AFF1: variants seen among roughly 807,000 people sequenced by gnomAD.
The protein encoded by AFF1 is AF4/FMR2 family member 1.
Under a neutral mutation model 121.7 loss-of-function variants are expected in AFF1, and 48 were observed. That is an observed-to-expected ratio of 0.39 (90% CI 0.31 to 0.50). The LOEUF (loss-of-function observed/expected upper bound fraction) is 0.50, where lower values mean the gene tolerates loss of function less well. Among genes scored for constraint, AFF1 ranks in the 20% least tolerant of loss-of-function variants. The pLI, the probability that AFF1 is intolerant of heterozygous loss-of-function variation, is 0.76. For synonymous variants in AFF1, 613 were observed against 563.0 expected, an observed-to-expected ratio of 1.09 and a Z score of -1.26; for missense variants, 1,523 against 1,511.7, an observed-to-expected ratio of 1.01 and a Z score of -0.12.
At chr4:87,130,208 A>C (rs931434983) in intron 16 of AFF1, among the ~76,000 whole-genome samples, 1 of 152,110 alleles carries the variant, frequency 6.6e-6, no homozygotes, top group Non-Finnish European at 1.5e-5. Flanking sequence ...CCTGACCTCA[A>C]GTGATCCACT....
At position 87,137,305 on chromosome 4, in the gene AFF1, G is replaced by A. The variant is rs1729378328; in HGVS notation, c.*1604G>A. 1 of 227,738 alleles carries A rather than the reference G, an allele frequency of 4.4e-6. No homozygotes were observed. Among genetic ancestry groups the A allele is most frequent in the Admixed American group, 5.7e-5 (1 of 17,588 alleles). 14.1% of individuals were successfully genotyped at this position (227,738 alleles called of 1,614,324 possible). ...CATTTTCCTATTAGTGGAGGAGGGA[G>A]AACCATATTTATTTATAATGAAGAC... On this transcript the variant is annotated 3_prime_UTR_variant, in exon 21 of 21. Transcript: ENST00000395146.
chr4:87,029,378 C>T (rs1728844865), intron 2 of AFF1, among the ~76,000 whole-genome samples: 2 of 152,184 alleles, frequency 1.3e-5, no homozygotes, highest in South Asian at 4.1e-4. Context: ...TGAAGACTGT[C>T]AACCTGTTTC....
intron 2 of AFF1, among the ~76,000 whole-genome samples, chr4:87,045,705 AG>A (rs1275138315): frequency 6.6e-6 from 1 of 152,150 alleles, no homozygotes; most frequent in Non-Finnish European, 1.5e-5. Context: ...TTATGAAATA[AG>A]CCTTTTGATT....
At chr4:87,128,323 C>G (rs1318548290) in intron 16 of AFF1, among the ~76,000 whole-genome samples, 2 of 152,156 alleles carry the variant, frequency 1.3e-5, no homozygotes, top group African/African-American at 4.8e-5. Context: ...TTTGGACTTT[C>G]TAAAAGGTGG....
chr4:87,073,667 C>T (rs1722361528), intron 4 of AFF1, among the ~76,000 whole-genome samples: 1 of 152,214 alleles, frequency 6.6e-6, no homozygotes, highest in African/African-American at 2.4e-5. Context: ...CATATGACTG[C>T]AGTTTCTTTC....
intron 2 of AFF1, among the ~76,000 whole-genome samples, chr4:86,992,844 A>G (rs1724836002): frequency 1.3e-5 from 2 of 152,230 alleles, no homozygotes. Context: ...GAAAATATGT[A>G]TAATTGGTTA....
chr4:87,016,933 A>G (rs1020126916), intron 2 of AFF1, among the ~76,000 whole-genome samples: 1 of 152,156 alleles, frequency 6.6e-6, no homozygotes, highest in Non-Finnish European at 1.5e-5. Flanking sequence ...GTGGTGTACC[A>G]TGTATCAGTG....
In AFF1 at chr4:86,983,706, C is replaced by A. The variant is rs112219562; in HGVS notation, c.38+35135C>A. Among the ~76,000 whole-genome samples the A allele has an allele frequency of 1.1e-3, 165 of 148,648 alleles. 1 individual carries two copies. The highest frequency in any genetic ancestry group is 3.9e-3 in the African/African-American group (156 of 39,844). On this transcript the variant is annotated intron_variant, in intron 2 of 20. Coordinates refer to ENST00000395146, the MANE Select transcript of AFF1 (RefSeq NM_001166693.3). ...CCTGGGTGACAGAGCAAGACTCTGT[C>A]TCAAATGAAAAACCAAAAAAAAAAA...
intron 2 of AFF1, among the ~76,000 whole-genome samples, chr4:86,974,446 T>A (rs542524858): frequency 2.1e-4 from 32 of 152,240 alleles, no homozygotes; most frequent in South Asian, 2.1e-4. Context: ...CAACATGCCC[T>A]GCCCAACTCA....
At chr4:87,041,092 G>T (rs547235953) in intron 2 of AFF1, among the ~76,000 whole-genome samples, 1 of 151,800 alleles carries the variant, frequency 6.6e-6, no homozygotes, top group Non-Finnish European at 1.5e-5. Flanking sequence ...GGCCAAGCTG[G>T]TCTCGAACTC....
chr4:87,134,993 G>T (rs1273457202), intron 20 of AFF1, among the ~76,000 whole-genome samples: 7 of 152,346 alleles, frequency 4.6e-5, no homozygotes, highest in Middle Eastern at 3.4e-3. Context: ...AATGCTAGCT[G>T]AAAGGCAGGG....
At chr4:87,046,056 GCTT>G in intron 2 of AFF1, 107 bp from the exon 3 acceptor site, 5 of 1,340,134 alleles carry the variant, frequency 3.7e-6, no homozygotes, top group Non-Finnish European at 5.1e-6. Context: ...CGTCATCACT[GCTT>G]CTTCCCAGAC....
At chr4:87,112,251 C>T (rs1423276318) in intron 11 of AFF1, among the ~76,000 whole-genome samples, 1 of 152,138 alleles carries the variant, frequency 6.6e-6, no homozygotes, top group African/African-American at 2.4e-5. Flanking sequence ...AACCATTCTG[C>T]GTTCTTAGAA....
At chr4:87,010,032 C>T (rs890654497) in intron 2 of AFF1, among the ~76,000 whole-genome samples, 114 of 152,230 alleles carry the variant, frequency 7.5e-4, no homozygotes, top group African/African-American at 2.7e-3. Context: ...ATGGATTAGG[C>T]GGTGTATTCC....
intron 2 of AFF1, among the ~76,000 whole-genome samples, chr4:87,022,553 T>G (rs1048734762): frequency 2.0e-5 from 1 of 49,622 alleles, no homozygotes; most frequent in African/African-American, 8.3e-5. Context: ...GATATATATA[T>G]ATATATATAT....
Position 87,139,651 on chromosome 4 carries a change from CTT to C in AFF1, c.*3953_*3954del, listed in dbSNP as rs1293364277. The C allele has an allele frequency of 4.4e-6, 1 of 229,358 alleles. No homozygotes were observed. Among genetic ancestry groups the C allele is most frequent in the Admixed American group, 5.7e-5 (1 of 17,628 alleles). 14.2% of individuals were successfully genotyped at this position (229,358 alleles called of 1,614,324 possible). ...CCTCCTGTTCTTGAGCCAGTTGTCT[CTT>C]TTGTTTTGGGTCCCACTTAGGATTA... On this transcript the variant is annotated 3_prime_UTR_variant, in exon 21 of 21. Transcript: ENST00000395146.
chr4:87,053,744 CCT>C, intron 4 of AFF1, among the ~76,000 whole-genome samples: 1 of 152,316 alleles, frequency 6.6e-6, no homozygotes, highest in African/African-American at 2.4e-5. Flanking sequence ...TGGTTCCAGT[CCT>C]CTTGGATCTT....
Position 87,139,961 on chromosome 4 carries a change from A to C in AFF1, c.*4260A>C. The C allele has an allele frequency of 4.7e-6, 1 of 212,548 alleles. No homozygotes were observed. Among genetic ancestry groups the C allele is most frequent in the East Asian group, 7.0e-5 (1 of 14,236 alleles). The allele number at this position is 212,548 out of a possible 1,614,324, so 13.2% of individuals were successfully genotyped here. A position where few individuals can be genotyped will look rare whatever the true frequency, so the allele number is the denominator to read the frequency against. ...TTCTTTAGGTGGCTATAAATTTCTT[A>C]CTGTCAGGAGGAAATGACATTATAT... On this transcript the variant is annotated 3_prime_UTR_variant, in exon 21 of 21. Coordinates refer to ENST00000395146, the MANE Select transcript of AFF1 (RefSeq NM_001166693.3).
intron 2 of AFF1, among the ~76,000 whole-genome samples, chr4:86,965,038 G>T (rs1457800796): frequency 6.6e-6 from 1 of 152,160 alleles, no homozygotes; most frequent in African/African-American, 2.4e-5. Context: ...GTGCTGATGT[G>T]GAGGGTGGTT....
Sources: gnomAD v4.1 joint callset for allele counts (sites outside exome capture counted in the v4.1 genomes callset) on GRCh38, gnomAD v4.1.1 for gene constraint, MANE v1.5 for transcripts, NCBI Gene and HGNC (gene_info 2026-07-23, HGNC 2026-07-21) for gene names.